The following LUZP2 variants were observed in gnomAD, a reference collection of about 807,000 sequenced individuals.
LUZP2 encodes the protein leucine zipper protein 2.
A neutral mutation model predicts 51.6 loss-of-function variants in LUZP2; 52 were observed. That is an observed-to-expected ratio of 1.01 (90% CI 0.81 to 1.27). LUZP2 has a LOEUF of 1.27. Among genes scored for constraint, LUZP2 ranks in the 50% most tolerant of loss-of-function variants. The pLI is 0.00. For missense variants in LUZP2, 436 were observed against 395.4 expected, an observed-to-expected ratio of 1.10 and a Z score of -0.87; for synonymous variants, 154 against 137.3, an observed-to-expected ratio of 1.12 and a Z score of -0.85.
chr11:24,664,884 G>A (rs1373883545), intron 1 of LUZP2, among the ~76,000 whole-genome samples: 1 of 152,110 alleles, frequency 6.6e-6, no homozygotes, highest in Non-Finnish European at 1.5e-5. Flanking sequence ...CCTCTAGTAG[G>A]GCAGTGCAGA....
chr11:24,764,072 G>A (rs1860089017), intron 5 of LUZP2, among the ~76,000 whole-genome samples: 1 of 152,126 alleles, frequency 6.6e-6, no homozygotes, highest in Non-Finnish European at 1.5e-5. Context: ...TTAGGGCTCA[G>A]TGAGAAAGCC....
At chr11:24,988,338 A>T (rs1184168708) in intron 9 of LUZP2, among the ~76,000 whole-genome samples, 1 of 152,042 alleles carries the variant, frequency 6.6e-6, no homozygotes, top group Non-Finnish European at 1.5e-5. Flanking sequence ...CATGAATAGC[A>T]TTAGAAGGTA....
rs143329030 is a variant in LUZP2, at chr11:24,961,662, C to A, written c.523-14929C>A. On this transcript the variant is annotated intron_variant, in intron 7 of 11. Coordinates refer to ENST00000336930, the MANE Select transcript of LUZP2 (RefSeq NM_001009909.4). The stretch of plus-strand genomic sequence containing the variant: ...GTGTCTCTGCATGTGAGATGGGTTT[C>A]CTGATTATAGCTCATTGATGGGTCT... Among the ~76,000 whole-genome samples, 886 of 152,210 alleles carry A rather than the reference C, an allele frequency of 5.8e-3. 9 individuals are homozygous for A. Among genetic ancestry groups the A allele is most frequent in the African/African-American group, 0.019 (798 of 41,534 alleles).
chr11:24,826,175 C>CAA (rs10625331), intron 5 of LUZP2, among the ~76,000 whole-genome samples: 6,610 of 60,010 alleles, frequency 0.11, 535 homozygotes, highest in South Asian at 0.19. Context: ...GACTCCATCT[C>CAA]AAAAAAAAAA....
In LUZP2 at chr11:24,535,293, A is replaced by C. The variant is rs545710983; in HGVS notation, c.62+37988A>C. On this transcript the variant is annotated intron_variant, in intron 1 of 11. Transcript: ENST00000336930. ...AGCTGTGGCAATTTCTTAAAATAAA[A>C]CAACAATAAAGTTTGTTTTGTCAAT... Among the ~76,000 whole-genome samples, 14 of 151,686 alleles carry C rather than the reference A, an allele frequency of 9.2e-5. No individual in the cohort carries two copies. The South Asian group carries it at 2.5e-3, about 27-fold the overall frequency.
chr11:25,073,689 C>A (rs1395942526), intron 10 of LUZP2, among the ~76,000 whole-genome samples: 6 of 151,964 alleles, frequency 3.9e-5, no homozygotes, highest in African/African-American at 1.2e-4. Flanking sequence ...ATTTCCTTTC[C>A]TTCTCTTCTC....
chr11:24,915,201 C>T (rs1282368208), intron 7 of LUZP2, among the ~76,000 whole-genome samples: 1 of 152,030 alleles, frequency 6.6e-6, no homozygotes, highest in Non-Finnish European at 1.5e-5. Flanking sequence ...GTAGGACTTT[C>T]ATTAACTCAA....
intron 1 of LUZP2, among the ~76,000 whole-genome samples, chr11:24,665,046 C>T (rs752259783): frequency 2.0e-5 from 3 of 152,130 alleles, no homozygotes; most frequent in Admixed American, 6.6e-5. Context: ...AGACACTCAA[C>T]GTCAGTATGA....
intron 5 of LUZP2, among the ~76,000 whole-genome samples, chr11:24,901,256 G>A (rs1322706058): frequency 3.3e-5 from 5 of 151,758 alleles, no homozygotes; most frequent in African/African-American, 1.2e-4. Flanking sequence ...ATTGGCCAAA[G>A]GAGTTATTTT....
intron 1 of LUZP2, among the ~76,000 whole-genome samples, chr11:24,563,374 TATTA>T (rs1852116695): frequency 6.6e-6 from 1 of 152,334 alleles, no homozygotes; most frequent in Middle Eastern, 3.4e-3. Flanking sequence ...ATTAAATAAC[TATTA>T]ATTGATTATT....
At chr11:24,687,903 C>G (rs919689123) in intron 1 of LUZP2, among the ~76,000 whole-genome samples, 1 of 152,094 alleles carries the variant, frequency 6.6e-6, no homozygotes, top group African/African-American at 2.4e-5. Flanking sequence ...CCTCACTTCT[C>G]TAAGTTCTCT....
In LUZP2 at chr11:25,006,909, G is replaced by A. The variant is rs368494587; in HGVS notation, c.765+23616G>A. 2.6e-5 allele frequency among the ~76,000 whole-genome samples: 4 copies of A among 152,178 alleles called. No homozygotes were observed. In the East Asian group the frequency reaches 7.7e-4, roughly 29 times the overall value. ...GCGTGGAAAGGGACCCAAGCGGGTT[G>A]CTGCTGCTGGCTTGCTTGGCCAGCT... On this transcript the variant is annotated intron_variant, in intron 9 of 11. Coordinates refer to ENST00000336930, the MANE Select transcript of LUZP2 (RefSeq NM_001009909.4).
chr11:24,558,979 C>G (rs1249956811), intron 1 of LUZP2, among the ~76,000 whole-genome samples: 1 of 151,980 alleles, frequency 6.6e-6, no homozygotes, highest in Non-Finnish European at 1.5e-5. Flanking sequence ...TGGACTGAGA[C>G]GGTTTCTATC....
chr11:24,691,965 T>A (rs1347497764), intron 1 of LUZP2, among the ~76,000 whole-genome samples: 7 of 152,184 alleles, frequency 4.6e-5, no homozygotes, highest in Non-Finnish European at 7.4e-5. Context: ...ACTGCACTAA[T>A]TATGCAATTA....
At position 24,528,396 on chromosome 11, in the gene LUZP2, A is replaced by G. The variant is rs1019667687; in HGVS notation, c.62+31091A>G. Among the ~76,000 whole-genome samples, 7 of 151,430 alleles carry G rather than the reference A, an allele frequency of 4.6e-5. No homozygotes were observed. In the South Asian group the frequency reaches 1.0e-3, roughly 22 times the overall value. On this transcript the variant is annotated intron_variant, in intron 1 of 11. Coordinates refer to ENST00000336930, the MANE Select transcript of LUZP2 (RefSeq NM_001009909.4). ...CAAATTAGTCACCAAAGAACATCTC[A>G]GGGGAGCAGGATTATTTGGATTATA... is the stretch of plus-strand genomic sequence containing the variant.
rs371218026 is a variant in LUZP2, at chr11:24,599,733, GTC to G, written c.62+102431_62+102432del. On this transcript the variant is annotated intron_variant, in intron 1 of 11. Coordinates refer to ENST00000336930, the MANE Select transcript of LUZP2 (RefSeq NM_001009909.4). ...CTTTAAAATACAGAAACATCTGAGAGTCTCATCGAATAGCTGAGATATACTGA... is the reference window on the plus strand; with the variant it reads ...CTTTAAAATACAGAAACATCTGAGAGTCATCGAATAGCTGAGATATACTGA... Among the ~76,000 whole-genome samples the G allele has an allele frequency of 2.2e-4, 33 of 152,240 alleles. No homozygotes were observed. In the East Asian group the frequency reaches 6.4e-3, roughly 29 times the overall value.
intron 5 of LUZP2, among the ~76,000 whole-genome samples, chr11:24,895,694 C>G (rs985282309): frequency 3.3e-5 from 5 of 152,198 alleles, no homozygotes; most frequent in African/African-American, 1.2e-4. Flanking sequence ...AGACTTCCTT[C>G]TTTTTAGGGT....
chr11:24,599,460 A>C (rs1466530940), intron 1 of LUZP2, among the ~76,000 whole-genome samples: 2 of 152,128 alleles, frequency 1.3e-5, no homozygotes. Flanking sequence ...GAAAATTCTT[A>C]CTTTATTTGC....
intron 1 of LUZP2, among the ~76,000 whole-genome samples, chr11:24,576,892 A>C (rs1852670821): frequency 6.6e-6 from 1 of 152,072 alleles, no homozygotes; most frequent in South Asian, 2.1e-4. Context: ...TTTAACTTCC[A>C]TGGCTACTTA....
Sources: allele counts gnomAD v4.1 joint callset (sites outside exome capture counted in the v4.1 genomes callset), GRCh38; gene constraint gnomAD v4.1.1; transcripts MANE v1.5; gene names NCBI Gene and HGNC (gene_info 2026-07-23, HGNC 2026-07-21).